DNM3: variants seen among roughly 807,000 people sequenced by gnomAD.
DNM3 encodes dynamin 3, also known as dynamin-3.
DNM3 carries 47 observed loss-of-function variants against 101.6 expected under a neutral mutation model. The ratio of observed to expected loss-of-function variants is 0.46; its 90% CI spans 0.37 to 0.59. The LOEUF (loss-of-function observed/expected upper bound fraction) is 0.59. Among genes scored for constraint, DNM3 ranks in the 20% least tolerant of loss-of-function variants. DNM3 has a pLI of 0.00. For missense variants in DNM3, 849 were observed against 1,085.7 expected (o/e 0.78, Z 3.06); for synonymous variants, 385 against 387.9 (o/e 0.99, Z 0.09).
rs543221127 is a variant in DNM3, at chr1:172,269,411, A to G, written c.1769+15729A>G. Among the ~76,000 whole-genome samples, 10 of 152,284 alleles carry G rather than the reference A, an allele frequency of 6.6e-5. No homozygotes were observed. In the South Asian group the frequency reaches 2.1e-3, roughly 32 times the overall value. On this transcript the variant is annotated intron_variant, in intron 15 of 20. Coordinates refer to ENST00000627582, the MANE Select transcript of DNM3 (RefSeq NM_015569.5). ...AAACCATAGAACAACCCCAGCTGCT[A>G]TTCATTAATGATAGGGGACCCAATC...
chr1:172,099,467 T>C (rs2054481768), intron 13 of DNM3, among the ~76,000 whole-genome samples: 2 of 151,926 alleles, frequency 1.3e-5, no homozygotes, highest in South Asian at 4.1e-4. Flanking sequence ...AACCAGTCCA[T>C]AAGTGGCACA....
intron 17 of DNM3, among the ~76,000 whole-genome samples, chr1:172,333,068 T>C (rs373427718): frequency 3.1e-4 from 47 of 152,124 alleles, no homozygotes; most frequent in African/African-American, 1.1e-3. Context: ...ACCAGCAAAA[T>C]AGACTGAAGA....
chr1:172,173,632 A>G (rs1318906236), intron 14 of DNM3, among the ~76,000 whole-genome samples: 1 of 151,618 alleles, frequency 6.6e-6, no homozygotes, highest in African/African-American at 2.4e-5. Context: ...TGAAGTCCCC[A>G]AATGAATCAG....
intron 1 of DNM3, among the ~76,000 whole-genome samples, chr1:171,848,192 C>T (rs2032449675): frequency 6.6e-6 from 1 of 152,182 alleles, no homozygotes; most frequent in Admixed American, 6.5e-5. Context: ...CTCCAACCCT[C>T]ACCCTGCCTC....
intron 7 of DNM3, among the ~76,000 whole-genome samples, chr1:172,039,127 A>G (rs1333774081): frequency 1.3e-5 from 2 of 151,994 alleles, no homozygotes; most frequent in Non-Finnish European, 2.9e-5. Context: ...TATATCTTAC[A>G]CTTTCTTCTC....
rs776394487 is a variant in DNM3, at chr1:172,379,174, A to T, written c.2050A>T (p.Ile684Phe). Residue 684 changes from isoleucine (I) to phenylalanine (F), a missense_variant, in exon 18 of 21, where the codon ATC becomes TTC. Around this residue, in one of 5 missense-constraint regions of DNM3, gnomAD observed 256 missense variants for 311.7 expected, o/e 0.82. Coordinates refer to ENST00000627582, the MANE Select transcript of DNM3 (RefSeq NM_015569.5). ...TCCAAAAACAATAATGCACCTTATG[A>T]TCAATAACGTAAGTGATTATAAACT... ...LIPKTIMHLM[I>F]NNVKDFINSE... 6.2e-7 allele frequency: 1 copy of T among 1,605,498 alleles called. No individual in the cohort carries two copies. Among genetic ancestry groups the T allele is most frequent in the Non-Finnish European group, 8.5e-7 (1 of 1,175,448 alleles).
rs1393071724 is a variant in DNM3 at position 172,027,607 on chromosome 1, CACACACACACAG to C, written c.590-4793_590-4782del. 2.9e-4 allele frequency among the ~76,000 whole-genome samples: 41 copies of C among 139,734 alleles called. No individual in the cohort carries two copies. In the South Asian group the frequency reaches 9.5e-3, roughly 32 times the overall value. The allele number at this position is 139,734 out of a possible 152,430, so 91.7% of individuals were successfully genotyped here. On this transcript the variant is annotated intron_variant, in intron 4 of 20. Transcript: ENST00000627582. ...AGAAACACACACACACACACACACACACACACACACAGAGAGAGAGAAATTGGATACAGAGTC... is the reference window on the plus strand; with the variant it reads ...AGAAACACACACACACACACACACACAGAGAGAGAAATTGGATACAGAGTC...
intron 2 of DNM3, among the ~76,000 whole-genome samples, chr1:171,983,208 A>G (rs2044947899): frequency 6.6e-6 from 1 of 152,110 alleles, no homozygotes; most frequent in Non-Finnish European, 1.5e-5. Flanking sequence ...TAATCCCAGC[A>G]CTTTCAGAAG....
At chr1:172,403,302 G>A (rs1486620944) in intron 20 of DNM3, among the ~76,000 whole-genome samples, 4 of 152,080 alleles carry the variant, frequency 2.6e-5, no homozygotes, top group African/African-American at 9.7e-5. Flanking sequence ...TCAGTATTAT[G>A]CTAGCTGGAA....
intron 14 of DNM3, among the ~76,000 whole-genome samples, chr1:172,166,132 A>C (rs1310767166): frequency 6.6e-6 from 1 of 152,004 alleles, no homozygotes; most frequent in Non-Finnish European, 1.5e-5. Context: ...CCAGGATGCA[A>C]GCACCTTAAG....
chr1:172,027,134 G>T (rs1425879141), intron 4 of DNM3, among the ~76,000 whole-genome samples: 1 of 152,172 alleles, frequency 6.6e-6, no homozygotes, highest in Non-Finnish European at 1.5e-5. Flanking sequence ...ACCAGCCACT[G>T]CAAAAACATA....
At position 172,009,221 on chromosome 1, in the gene DNM3, T is replaced by A. The variant is rs188851546; in HGVS notation, c.589+20073T>A. Among the ~76,000 whole-genome samples the A allele has an allele frequency of 5.5e-3, 813 of 146,866 alleles. 6 individuals carry two copies. Among genetic ancestry groups the A allele is most frequent in the African/African-American group, 0.019 (777 of 40,352 alleles). On this transcript the variant is annotated intron_variant, in intron 4 of 20. Transcript: ENST00000627582. ...ATTTATAATTCTGGACTCACTATTT[T>A]GTTTCATTGGTGTCTGTGTGTATCT...
At chr1:172,369,205 C>A (rs1306818394) in intron 17 of DNM3, among the ~76,000 whole-genome samples, 1 of 151,824 alleles carries the variant, frequency 6.6e-6, no homozygotes, top group Non-Finnish European at 1.5e-5. Context: ...CCCTGATGAA[C>A]ATAGATGCAA....
intron 1 of DNM3, among the ~76,000 whole-genome samples, chr1:171,881,563 C>A (rs920918640): frequency 1.3e-5 from 2 of 152,106 alleles, no homozygotes; most frequent in Admixed American, 6.5e-5. Flanking sequence ...GAGGGCCAGG[C>A]TGAGCCACAA....
At chr1:172,070,510 T>G (rs2052076974) in intron 11 of DNM3, among the ~76,000 whole-genome samples, 1 of 152,206 alleles carries the variant, frequency 6.6e-6, no homozygotes, top group African/African-American at 2.4e-5. Context: ...GGATAATTAT[T>G]TAAAGCATTT....
chr1:171,987,857 A>G (rs1007334429), intron 3 of DNM3, 52 bp downstream of exon 3: 3 of 1,454,850 alleles, frequency 2.1e-6, no homozygotes, highest in East Asian at 4.7e-5. Context: ...TTTATACTAC[A>G]TTAATTAACA....
intron 10 of DNM3, among the ~76,000 whole-genome samples, chr1:172,049,610 AAG>A (rs1173468252): frequency 2.0e-5 from 3 of 152,150 alleles, no homozygotes; most frequent in African/African-American, 7.2e-5. Context: ...AAAACACAAA[AAG>A]AGAATTAGTG....
intron 14 of DNM3, among the ~76,000 whole-genome samples, chr1:172,204,659 A>G (rs1177347348): frequency 6.6e-6 from 1 of 152,106 alleles, no homozygotes; most frequent in African/African-American, 2.4e-5. Flanking sequence ...CTGTGGGTGT[A>G]TCTTTCTCCT....
At chr1:172,367,594 T>C (rs1393577149) in intron 17 of DNM3, among the ~76,000 whole-genome samples, 1 of 151,838 alleles carries the variant, frequency 6.6e-6, no homozygotes, top group African/African-American at 2.4e-5. Flanking sequence ...CTCCTAACAA[T>C]AATAACCTTG....
Sources: gnomAD v4.1 joint callset for allele counts (sites outside exome capture counted in the v4.1 genomes callset) on GRCh38, gnomAD v4.1.1 for gene constraint, gnomAD v4.1.1 regional missense constraint, MANE v1.5 for transcripts, NCBI Gene and HGNC (gene_info 2026-07-23, HGNC 2026-07-21) for gene names.